AHRR: variants seen among roughly 807,000 people sequenced by gnomAD.
The protein encoded by AHRR is aryl hydrocarbon receptor repressor, also known as ahR repressor.
In AHRR, 28 loss-of-function variants were observed where a neutral mutation model predicts 44.0. That is an observed-to-expected ratio of 0.64 (90% CI 0.47 to 0.87). The LOEUF (loss-of-function observed/expected upper bound fraction) is 0.87, where lower values mean the gene tolerates loss of function less well. Ranked by LOEUF, AHRR falls within the 40% of genes least tolerant of loss-of-function variation. The pLI, the probability that AHRR is intolerant of heterozygous loss-of-function variation, is 0.00. For synonymous variants in AHRR, 434 were observed against 407.0 expected (o/e 1.07, Z -0.80); for missense variants, 990 against 953.9 (o/e 1.04, Z -0.50).
At position 437,693 on chromosome 5, in the gene AHRR, AG is replaced by A. The variant is rs1317351099; in HGVS notation, c.*2861del. 1 of 152,392 alleles carries A rather than the reference AG, an allele frequency of 6.6e-6. No individual in the cohort carries two copies. Among genetic ancestry groups the A allele is most frequent in the Non-Finnish European group, 1.5e-5 (1 of 68,116 alleles). 9.4% of individuals were successfully genotyped at this position (152,392 alleles called of 1,614,324 possible). ...CCAGATTGAGTGGTGGGTTGCTGCCAGGCAGGCCACGCTGTGTTGACGCTGC... is the reference window on the plus strand; with the variant it reads ...CCAGATTGAGTGGTGGGTTGCTGCCAGCAGGCCACGCTGTGTTGACGCTGC... On this transcript the variant is annotated 3_prime_UTR_variant, in exon 11 of 11. Transcript: ENST00000684583.
At chr5:371,700 G>A (rs534723146) in intron 3 of AHRR, among the ~76,000 whole-genome samples, 3 of 152,316 alleles carry the variant, frequency 2.0e-5, no homozygotes, top group South Asian at 2.1e-4. Flanking sequence ...CTGTGGAACC[G>A]ACTCCCGTGG....
chr5:403,695 T>TA lies in AHRR; in HGVS notation c.352-9648dup, dbSNP rs1553986320. 8,561 of 791,782 alleles carry TA rather than the reference T, an allele frequency of 0.011. 316 individuals are homozygous for TA. In the African/African-American group the frequency reaches 0.11, roughly 10 times the overall value. The allele number at this position is 791,782 out of a possible 1,614,324, so 49.0% of individuals were successfully genotyped here. A position where few individuals can be genotyped will look rare whatever the true frequency, so the allele number is the denominator to read the frequency against. On this transcript the variant is annotated intron_variant, in intron 4 of 10. Transcript: ENST00000684583. Reference sequence around the variant, plus strand: ...AGTTAAAATGGTATTTTTTTTTTTTTACTTTCTCTCAGAGGCATATTTTTC... The same window carrying TA: ...AGTTAAAATGGTATTTTTTTTTTTTTAACTTTCTCTCAGAGGCATATTTTTC...
At chr5:400,043 C>T (rs936098037) in intron 4 of AHRR, among the ~76,000 whole-genome samples, 2 of 152,206 alleles carry the variant, frequency 1.3e-5, no homozygotes, top group Non-Finnish European at 2.9e-5. Flanking sequence ...CCCCGACGCC[C>T]GCCCGGTGCC....
chr5:340,701 T>TA, intron 1 of AHRR, among the ~76,000 whole-genome samples: 1 of 85,594 alleles, frequency 1.2e-5, no homozygotes, highest in African/African-American at 4.7e-5. Flanking sequence ...TTTTTTTTTT[T>TA]TTTTTTTTTT....
At chr5:413,973 A>T (rs1168136385) in intron 5 of AHRR, among the ~76,000 whole-genome samples, 1 of 152,172 alleles carries the variant, frequency 6.6e-6, no homozygotes, top group Non-Finnish European at 1.5e-5. Flanking sequence ...TGCAATAAAA[A>T]ATCCCACCCA....
Position 353,734 on chromosome 5 carries a change from C to A in AHRR, c.67C>A (p.Pro23Thr). 1 of 1,606,998 alleles carries A rather than the reference C, an allele frequency of 6.2e-7. No individual in the cohort carries two copies. Among genetic ancestry groups the A allele is most frequent in the Non-Finnish European group, 8.5e-7 (1 of 1,178,042 alleles). ...KRRRPLQKQRPAVGAEKSNPS... is the reference protein window; with the variant it reads ...KRRRPLQKQRTAVGAEKSNPS... ...ACCCAGACCATCTCCCCACAGGAGG[C>A]CCGCCGTGGGGGCAGAGAAGTCCAA... is the stretch of plus-strand genomic sequence containing the variant. Residue 23 changes from proline (P) to threonine (T), a missense_variant, in exon 3 of 11, where the codon CCC becomes ACC. Pro to Thr is a conservative substitution (Grantham distance 38). Coordinates refer to ENST00000684583, the MANE Select transcript of AHRR (RefSeq NM_001377236.1).
intron 3 of AHRR, among the ~76,000 whole-genome samples, chr5:356,527 A>T (rs1462175460): frequency 2.4e-5 from 3 of 127,316 alleles, no homozygotes; most frequent in African/African-American, 9.2e-5. Flanking sequence ...GCGACTGAGG[A>T]AGAGCGCCCG....
chr5:343,246 C>T (rs1161339680), intron 1 of AHRR, among the ~76,000 whole-genome samples: 1 of 147,526 alleles, frequency 6.8e-6, no homozygotes, highest in East Asian at 1.9e-4. Flanking sequence ...CACATACCTT[C>T]TCGGGGTGAC....
At position 404,511 on chromosome 5, in the gene AHRR, T is replaced by C. The variant is rs977294640; in HGVS notation, c.352-8833T>C. On this transcript the variant is annotated intron_variant, in intron 4 of 10. Coordinates refer to ENST00000684583, the MANE Select transcript of AHRR (RefSeq NM_001377236.1). The surrounding 1 kb of genome is among the most constrained non-coding windows in gnomAD (Gnocchi z 4.1). ...CGCAACTATTTTCAGACTTTACGGT[T>C]TGTAGTGATAACCTCTTCAGAAAAA... 3 of 419,086 alleles carry C rather than the reference T, an allele frequency of 7.2e-6. No individual in the cohort carries two copies. The highest frequency in any genetic ancestry group is 1.4e-5 in the Non-Finnish European group (3 of 207,922). The allele number at this position is 419,086 out of a possible 1,614,324, so 26.0% of individuals were successfully genotyped here.
intron 2 of AHRR, among the ~76,000 whole-genome samples, chr5:345,207 T>G (rs1742590478): frequency 3.4e-5 from 1 of 29,004 alleles, no homozygotes; most frequent in Non-Finnish European, 7.8e-5. Context: ...TGTGTGTGTG[T>G]GTGTGTGTGT....
chr5:422,961 G>C, intron 6 of AHRR, 103 bp downstream of exon 6: 1 of 1,426,630 alleles, frequency 7.0e-7, no homozygotes, highest in Non-Finnish European at 9.3e-7. Context: ...GGTGTGCTTT[G>C]CCTTACACAT....
At chr5:332,635 A>C (rs951305492) in intron 1 of AHRR, among the ~76,000 whole-genome samples, 1 of 152,134 alleles carries the variant, frequency 6.6e-6, no homozygotes, top group Admixed American at 6.5e-5. Context: ...AAAAGAACGT[A>C]TCTTCTGCAG....
intron 8 of AHRR, among the ~76,000 whole-genome samples, chr5:431,693 A>G (rs375042752): frequency 6.6e-6 from 1 of 151,836 alleles, no homozygotes; most frequent in Non-Finnish European, 1.5e-5. Flanking sequence ...GTTTTGTGAC[A>G]TGATCTTGAT....
chr5:413,659 G>T (rs1735567823), intron 5 of AHRR, among the ~76,000 whole-genome samples: 1 of 152,164 alleles, frequency 6.6e-6, no homozygotes, highest in African/African-American at 2.4e-5. Context: ...GGGGTGTTCT[G>T]GTCTAAGGCA....
At chr5:362,607 G>C (rs1350920080) in intron 3 of AHRR, among the ~76,000 whole-genome samples, 1 of 152,242 alleles carries the variant, frequency 6.6e-6, no homozygotes, top group Non-Finnish European at 1.5e-5. Context: ...GCCAGGATAG[G>C]ATGAGAGTTG....
intron 1 of AHRR, among the ~76,000 whole-genome samples, chr5:342,000 A>C (rs1742365609): frequency 6.6e-6 from 1 of 152,188 alleles, no homozygotes; most frequent in African/African-American, 2.4e-5. Flanking sequence ...CTTTCCAAAT[A>C]TTTGGAAAAT....
At chr5:366,728 C>A (rs1054529582) in intron 3 of AHRR, among the ~76,000 whole-genome samples, 4 of 152,198 alleles carry the variant, frequency 2.6e-5, no homozygotes, top group African/African-American at 9.7e-5. Flanking sequence ...GCATTGTGCA[C>A]CCCGCAACAG....
In AHRR at chr5:421,169, G is replaced by A. The variant is rs1280051947; in HGVS notation, c.442-1560G>A. On this transcript the variant is annotated intron_variant, in intron 5 of 10. Transcript: ENST00000684583. Reference sequence around the variant, plus strand: ...GCCGCCCCGCCTGGGAGGCCGCTCTGGCGCCCGGCTGGTGCCGGGCAGGAG... The same window carrying A: ...GCCGCCCCGCCTGGGAGGCCGCTCTAGCGCCCGGCTGGTGCCGGGCAGGAG... 45 of 589,588 alleles carry A rather than the reference G, an allele frequency of 7.6e-5. 1 individual carries two copies. Among genetic ancestry groups the A allele is most frequent in the Non-Finnish European group, 9.0e-6 (3 of 333,686 alleles). The allele number at this position is 589,588 out of a possible 1,614,324, so 36.5% of individuals were successfully genotyped here. A position where few individuals can be genotyped will look rare whatever the true frequency, so the allele number is the denominator to read the frequency against.
At chr5:322,396 C>T (rs377184735) in intron 1 of AHRR, among the ~76,000 whole-genome samples, 2 of 152,138 alleles carry the variant, frequency 1.3e-5, no homozygotes, top group African/African-American at 4.8e-5. Flanking sequence ...CTGACCTCTT[C>T]TGCGAGGCCG....
Sources: allele counts gnomAD v4.1 joint callset (sites outside exome capture counted in the v4.1 genomes callset), GRCh38; gene constraint gnomAD v4.1.1; non-coding constraint Gnocchi (gnomAD v3.1); transcripts MANE v1.5; gene names NCBI Gene and HGNC (gene_info 2026-07-23, HGNC 2026-07-21).